The following WDR64 variants were observed in gnomAD, a reference collection of about 807,000 sequenced individuals.
WDR64 encodes WD repeat domain 64.
In WDR64, 112 loss-of-function variants were observed where a neutral mutation model predicts 139.3. The observed-to-expected ratio is 0.80, with a 90% CI of 0.69 to 0.94. The LOEUF is 0.94. Among genes scored for constraint, WDR64 ranks in the 40% least tolerant of loss-of-function variants. The pLI is 0.00. For missense variants in WDR64, 1,206 were observed against 1,293.1 expected (o/e 0.93, Z 1.03); for synonymous variants, 444 against 437.7 (o/e 1.01, Z -0.18).
chr1:241,673,442 C>A (rs151162323), intron 3 of WDR64, among the ~76,000 whole-genome samples: 1 of 152,002 alleles, frequency 6.6e-6, no homozygotes, highest in Non-Finnish European at 1.5e-5. Context: ...AATTACTGAA[C>A]CCTAAGGAGC....
chr1:241,688,995 G>C (rs1296848034), intron 8 of WDR64, among the ~76,000 whole-genome samples: 1 of 152,132 alleles, frequency 6.6e-6, no homozygotes, highest in African/African-American at 2.4e-5. Flanking sequence ...TATGTTATCA[G>C]AGTCTAAGCT....
At position 241,660,523 on chromosome 1, in the gene WDR64, A is replaced by C. The variant is rs1441289919; in HGVS notation, c.146-7A>C. The C allele has an allele frequency of 1.3e-6, 2 of 1,549,324 alleles. No individual in the cohort carries two copies. The highest frequency in any genetic ancestry group is 2.0e-5 in the Admixed American group (1 of 50,336). ...GATGAAAATGGACTGTACTTTTTTCAATGCAGATGCAATTGGTTATGACAA... is the reference window on the plus strand; with the variant it reads ...GATGAAAATGGACTGTACTTTTTTCCATGCAGATGCAATTGGTTATGACAA... On this transcript the variant is annotated splice_polypyrimidine_tract_variant and splice_region_variant and intron_variant, in intron 1 of 27. Coordinates refer to ENST00000437684, the MANE Select transcript of WDR64 (RefSeq NM_001367482.1).
At chr1:241,728,761 G>A (rs145647508) in intron 10 of WDR64, among the ~76,000 whole-genome samples, 1 of 151,662 alleles carries the variant, frequency 6.6e-6, no homozygotes, top group African/African-American at 2.4e-5. Flanking sequence ...AAACCAATGG[G>A]AGCAATGGTT....
At position 241,738,343 on chromosome 1, in the gene WDR64, T is replaced by C; in HGVS notation, c.1195-20T>C. On this transcript the variant is annotated intron_variant, in intron 10 of 27. Transcript: ENST00000437684. The stretch of plus-strand genomic sequence containing the variant: ...AAGGTGAGTATAAATAGTGGTAAAC[T>C]GTGTTTGTTATTCTTCCAGGTTTTC... 1 of 1,609,664 alleles carries C rather than the reference T, an allele frequency of 6.2e-7. No individual in the cohort carries two copies. The highest frequency in any genetic ancestry group is 8.5e-7 in the Non-Finnish European group (1 of 1,178,618).
chr1:241,714,682 T>G (rs1668332601), intron 9 of WDR64, among the ~76,000 whole-genome samples: 1 of 152,208 alleles, frequency 6.6e-6, no homozygotes, highest in Non-Finnish European at 1.5e-5. Context: ...TGAAATTAGC[T>G]TATGGTTCCA....
intron 4 of WDR64, among the ~76,000 whole-genome samples, chr1:241,675,777 A>C (rs1286034044): frequency 1.3e-5 from 2 of 152,242 alleles, no homozygotes; most frequent in African/African-American, 2.4e-5. Context: ...AAAGGATTGT[A>C]GTGAGGGTCA....
chr1:241,780,193 T>C, intron 22 of WDR64, 131 bp downstream of exon 22: 2 of 755,408 alleles, frequency 2.6e-6, no homozygotes, highest in Non-Finnish European at 4.1e-6. Flanking sequence ...TATTGAAATT[T>C]GAGCTACATG....
intron 8 of WDR64, among the ~76,000 whole-genome samples, chr1:241,699,113 C>T (rs1385539630): frequency 2.6e-5 from 4 of 152,168 alleles, no homozygotes; most frequent in Non-Finnish European, 4.4e-5. Flanking sequence ...AGGGTCCCTC[C>T]TATGACATGT....
At chr1:241,661,698 T>C (rs1409247827) in intron 2 of WDR64, among the ~76,000 whole-genome samples, 1 of 152,150 alleles carries the variant, frequency 6.6e-6, no homozygotes, top group Non-Finnish European at 1.5e-5. Flanking sequence ...CAAGTACAAT[T>C]TACCCCAGCA....
chr1:241,708,560 C>T (rs112620322), intron 8 of WDR64, among the ~76,000 whole-genome samples: 8,490 of 152,176 alleles, frequency 0.056, 810 homozygotes, highest in African/African-American at 0.2. Flanking sequence ...ATGATCCGCC[C>T]GCCTTGGCCT....
At chr1:241,660,766 G>C (rs1365386016) in intron 2 of WDR64, 106 bp downstream of exon 2, 1 of 1,266,012 alleles carries the variant, frequency 7.9e-7, no homozygotes, top group African/African-American at 1.5e-5. Flanking sequence ...GAACCACAAC[G>C]TGCATGTGTC....
intron 27 of WDR64, among the ~76,000 whole-genome samples, chr1:241,796,892 A>C (rs532718240): frequency 2.5e-4 from 38 of 152,336 alleles, no homozygotes; most frequent in African/African-American, 8.9e-4. Flanking sequence ...AAAATCAAAT[A>C]AGATCAATAA....
At chr1:241,678,124 C>A in intron 4 of WDR64, 63 bp from the exon 5 acceptor site, 2 of 398,644 alleles carry the variant, frequency 5.0e-6, no homozygotes, top group South Asian at 1.3e-4. Context: ...GTTTTAGAGT[C>A]AGCATTCTCA....
At chr1:241,715,990 C>T (rs1353491510) in intron 9 of WDR64, among the ~76,000 whole-genome samples, 2 of 152,214 alleles carry the variant, frequency 1.3e-5, no homozygotes, top group African/African-American at 2.4e-5. Flanking sequence ...GAAGAAAACA[C>T]TTAGTAGTAT....
chr1:241,682,874 C>T (rs1666862815), intron 6 of WDR64, among the ~76,000 whole-genome samples: 1 of 152,128 alleles, frequency 6.6e-6, no homozygotes, highest in African/African-American at 2.4e-5. Context: ...CTGTCTTGTA[C>T]ATCATTGCAC....
At chr1:241,777,191 A>G (rs1029061969) in intron 21 of WDR64, among the ~76,000 whole-genome samples, 1 of 152,104 alleles carries the variant, frequency 6.6e-6, no homozygotes, top group Non-Finnish European at 1.5e-5. Flanking sequence ...AACTCCTGCA[A>G]GTGATCCTTC....
intron 8 of WDR64, among the ~76,000 whole-genome samples, chr1:241,693,283 A>T (rs536435690): frequency 6.6e-6 from 1 of 152,214 alleles, no homozygotes; most frequent in African/African-American, 2.4e-5. Context: ...CCTTAAATGC[A>T]TATTACTAAG....
At position 241,790,605 on chromosome 1, in the gene WDR64, G is replaced by A. The variant is rs1426232279; in HGVS notation, c.2906G>A (p.Ser969Asn). 1.2e-6 allele frequency: 2 copies of A among 1,608,410 alleles called. No homozygotes were observed. Among genetic ancestry groups the A allele is most frequent in the African/African-American group, 1.3e-5 (1 of 74,238 alleles). The change falls in exon 25 of 28, where the codon AGC becomes AAC. Residue 969 changes from serine to asparagine, a missense_variant. Coordinates refer to ENST00000437684, the MANE Select transcript of WDR64 (RefSeq NM_001367482.1). ...TTTATATGCAGATGGAGAAAAATGAGCTCAGTGTCTCTACTTTTCAAACGC... is the reference window on the plus strand; with the variant it reads ...TTTATATGCAGATGGAGAAAAATGAACTCAGTGTCTCTACTTTTCAAACGC... ...IFDREKWRKM[S>N]SVSLLFKRTP...
At chr1:241,652,702 A>G (rs894693314) in intron 1 of WDR64, 73 bp downstream of exon 1, 3 of 1,510,054 alleles carry the variant, frequency 2.0e-6, no homozygotes, top group African/African-American at 2.8e-5. Flanking sequence ...AAGCCATCAG[A>G]GAGAAGCATC....
Sources: gnomAD v4.1 joint callset for allele counts (sites outside exome capture counted in the v4.1 genomes callset) on GRCh38, gnomAD v4.1.1 for gene constraint, MANE v1.5 for transcripts, NCBI Gene and HGNC (gene_info 2026-07-23, HGNC 2026-07-21) for gene names.